PTCHD4: variants seen among roughly 807,000 people sequenced by gnomAD.
PTCHD4 encodes patched domain-containing protein 4.
In PTCHD4, 33 loss-of-function variants were observed where a neutral mutation model predicts 58.1. The ratio of observed to expected loss-of-function variants is 0.57; its 90% CI spans 0.43 to 0.76. PTCHD4 has a LOEUF of 0.76. Among genes scored for constraint, PTCHD4 ranks in the 30% least tolerant of loss-of-function variants. The pLI is 0.00. For missense variants in PTCHD4, 1,058 were observed against 1,027.1 expected, an observed-to-expected ratio of 1.03 and a Z score of -0.41; for synonymous variants, 478 against 409.6, an observed-to-expected ratio of 1.17 and a Z score of -2.02.
At chr6:48,011,149 G>A (rs1288880372) in intron 3 of PTCHD4, among the ~76,000 whole-genome samples, 7 of 75,192 alleles carry the variant, frequency 9.3e-5, no homozygotes, top group Admixed American at 6.1e-4. Flanking sequence ...TTGCAGAATC[G>A]CCACACTGTC....
chr6:48,102,633 G>A (rs1169676558), intron 1 of PTCHD4, among the ~76,000 whole-genome samples: 1 of 152,186 alleles, frequency 6.6e-6, no homozygotes, highest in Non-Finnish European at 1.5e-5. Flanking sequence ...TGGGTGCAGT[G>A]CACCATGCGT....
chr6:48,014,690 A>G (rs529524597), intron 3 of PTCHD4, among the ~76,000 whole-genome samples: 1 of 152,294 alleles, frequency 6.6e-6, no homozygotes, highest in Non-Finnish European at 1.5e-5. Context: ...TGGATGTCAG[A>G]AAGGATATCA....
intron 3 of PTCHD4, among the ~76,000 whole-genome samples, chr6:48,056,298 T>C (rs1432357634): frequency 3.9e-5 from 6 of 152,344 alleles, no homozygotes; most frequent in South Asian, 4.1e-4. Flanking sequence ...TACTTATTAG[T>C]GCTATAGTAC....
intron 4 of PTCHD4, among the ~76,000 whole-genome samples, chr6:47,884,342 T>G (rs1764114902): frequency 6.6e-6 from 1 of 152,222 alleles, no homozygotes; most frequent in African/African-American, 2.4e-5. Flanking sequence ...ATTCTGAGGC[T>G]GGAACCATTT....
At chr6:48,092,242 T>C (rs777337321) in intron 1 of PTCHD4, among the ~76,000 whole-genome samples, 1 of 152,226 alleles carries the variant, frequency 6.6e-6, no homozygotes, top group Non-Finnish European at 1.5e-5. Flanking sequence ...ATAAGCCTAT[T>C]AGCCATGGTT....
At chr6:48,058,812 A>T (rs1764509879) in intron 3 of PTCHD4, among the ~76,000 whole-genome samples, 1 of 152,228 alleles carries the variant, frequency 6.6e-6, no homozygotes, top group Non-Finnish European at 1.5e-5. Flanking sequence ...GAGAGGTCAC[A>T]TTCCGAATAA....
chr6:48,009,613 G>A (rs957728473), intron 3 of PTCHD4, among the ~76,000 whole-genome samples: 1 of 152,106 alleles, frequency 6.6e-6, no homozygotes, highest in Non-Finnish European at 1.5e-5. Context: ...ACACAAACAT[G>A]AATATTCTTA....
intron 1 of PTCHD4, among the ~76,000 whole-genome samples, chr6:48,082,805 A>G (rs1042836622): frequency 3.9e-5 from 6 of 152,132 alleles, no homozygotes; most frequent in African/African-American, 9.6e-5. Flanking sequence ...TGACATTATT[A>G]AAAACACTGA....
intron 4 of PTCHD4, among the ~76,000 whole-genome samples, chr6:47,962,847 G>A (rs938615316): frequency 8.6e-5 from 13 of 150,670 alleles, no homozygotes; most frequent in African/African-American, 3.2e-4. Context: ...AAAAAAACAA[G>A]GTAACAAATA....
chr6:47,899,349 T>C (rs560681155), intron 4 of PTCHD4, among the ~76,000 whole-genome samples: 2 of 152,230 alleles, frequency 1.3e-5, no homozygotes, highest in African/African-American at 2.4e-5. Context: ...TTTTGACAGA[T>C]TGAATACAAA....
chr6:48,100,661 G>T (rs1765585694), intron 1 of PTCHD4, among the ~76,000 whole-genome samples: 1 of 152,210 alleles, frequency 6.6e-6, no homozygotes, highest in African/African-American at 2.4e-5. Context: ...AGGAAGATAA[G>T]CTTGGCGACA....
intron 3 of PTCHD4, among the ~76,000 whole-genome samples, chr6:48,056,206 A>G (rs1764398564): frequency 6.6e-6 from 1 of 152,354 alleles, no homozygotes; most frequent in East Asian, 1.9e-4. Flanking sequence ...TACAATACAT[A>G]TCCTCAAAAG....
At chr6:48,019,602 G>C (rs1015477287) in intron 3 of PTCHD4, among the ~76,000 whole-genome samples, 2 of 151,062 alleles carry the variant, frequency 1.3e-5, no homozygotes, top group African/African-American at 4.9e-5. Flanking sequence ...TGGGCGTGGT[G>C]GGGGGCTCCT....
At chr6:48,003,527 C>A (rs1768820064) in intron 4 of PTCHD4, among the ~76,000 whole-genome samples, 1 of 152,160 alleles carries the variant, frequency 6.6e-6, no homozygotes, top group African/African-American at 2.4e-5. Flanking sequence ...CATCCCTGCT[C>A]CCACGCTATT....
intron 4 of PTCHD4, among the ~76,000 whole-genome samples, chr6:47,982,578 T>C (rs986210428): frequency 1.4e-5 from 2 of 145,864 alleles, no homozygotes; most frequent in African/African-American, 5.1e-5. Context: ...AGGCTCCGCC[T>C]CCCGGGTTCA....
At position 48,085,424 on chromosome 6, in the gene PTCHD4, C is replaced by T. The variant is rs886856005; in HGVS notation, c.-969-15498G>A. Among the ~76,000 whole-genome samples, 39 of 152,118 alleles carry T rather than the reference C, an allele frequency of 2.6e-4. 1 individual carries two copies. Among genetic ancestry groups the T allele is most frequent in the Admixed American group, 1.7e-3 (26 of 15,274 alleles). ...TTGATAGAGGTTAATTTTCCAGTCA[C>T]TTCAAACTTGCCATTGACTTCTCTA... On this transcript the variant is annotated intron_variant, in intron 1 of 4. Transcript: ENST00000339488.
In PTCHD4 at chr6:47,879,526, G is replaced by C. The variant is rs149308441; in HGVS notation, c.1309C>G (p.Pro437Ala). Residue 437 changes from proline to alanine, a missense_variant, in exon 5 of 5, where the codon CCC (proline) becomes GCC (alanine). Pro to Ala is a conservative substitution (Grantham distance 27). Coordinates refer to ENST00000339488, the MANE Select transcript of PTCHD4 (RefSeq NM_001384253.1). ...HQQTSHHETNPYQHHFIQHFL... is the reference protein window; with the variant it reads ...HQQTSHHETNAYQHHFIQHFL... ...TGCTGAATGAAGTGGTGCTGGTAGG[G>C]GTTCGTCTCATGATGGGACGTCTGT... The C allele has an allele frequency of 4.3e-4, 686 of 1,613,710 alleles. 4 individuals are homozygous for C. The African/African-American group carries it at 4.8e-3, about 11-fold the overall frequency.
In PTCHD4 at chr6:47,946,855, T is replaced by A. The variant is rs190362314; in HGVS notation, c.898+61779A>T. On this transcript the variant is annotated intron_variant, in intron 4 of 4. Coordinates refer to ENST00000339488, the MANE Select transcript of PTCHD4 (RefSeq NM_001384253.1). ...TATTCTATTTCTTTTTAGTTTTTAT[T>A]TTTTCAGAGATAAGGTCTTGCTCTG... is the stretch of plus-strand genomic sequence containing the variant. 2.9e-3 allele frequency among the ~76,000 whole-genome samples: 447 copies of A among 152,286 alleles called. 4 individuals are homozygous for A. Among genetic ancestry groups the A allele is most frequent in the Middle Eastern group, 0.024 (7 of 294 alleles).
At chr6:48,088,818 T>A (rs1261256848) in intron 1 of PTCHD4, among the ~76,000 whole-genome samples, 3 of 151,900 alleles carry the variant, frequency 2.0e-5, no homozygotes, top group African/African-American at 7.2e-5. Flanking sequence ...CCGAGGCGGG[T>A]GGATTACCTG....
Sources: gnomAD v4.1 joint callset for allele counts (sites outside exome capture counted in the v4.1 genomes callset) on GRCh38, gnomAD v4.1.1 for gene constraint, MANE v1.5 for transcripts, NCBI Gene and HGNC (gene_info 2026-07-23, HGNC 2026-07-21) for gene names.